Variants in SPPL3 observed in about 807,000 individuals in gnomAD.
SPPL3 encodes the protein signal peptide peptidase-like 3.
SPPL3 carries 5 observed loss-of-function variants against 42.4 expected under a neutral mutation model. The observed-to-expected ratio is 0.12, with a 90% CI of 0.06 to 0.25. SPPL3 has a LOEUF of 0.25. Ranked by LOEUF, SPPL3 falls within the 10% of genes least tolerant of loss-of-function variation. The pLI, the probability that SPPL3 is intolerant of heterozygous loss-of-function variation, is 1.00. For missense variants in SPPL3, 235 were observed against 489.0 expected, an observed-to-expected ratio of 0.48 and a Z score of 4.90; for synonymous variants, 195 against 181.8, an observed-to-expected ratio of 1.07 and a Z score of -0.58.
chr12:120,831,183 C>T (rs1566054746), intron 1 of SPPL3, among the ~76,000 whole-genome samples: 2 of 152,202 alleles, frequency 1.3e-5, no homozygotes, highest in South Asian at 2.1e-4. Context: ...CATCGGCTCT[C>T]CTGGCTCTCA....
At chr12:120,825,402 G>A (rs183388250) in intron 1 of SPPL3, among the ~76,000 whole-genome samples, 1 of 152,252 alleles carries the variant, frequency 6.6e-6, no homozygotes, top group East Asian at 1.9e-4. Flanking sequence ...AAACACTAAA[G>A]AGCATCTGTT....
At chr12:120,787,305 C>A (rs752491675) in intron 3 of SPPL3, among the ~76,000 whole-genome samples, 4 of 152,158 alleles carry the variant, frequency 2.6e-5, no homozygotes, top group Non-Finnish European at 5.9e-5. Context: ...TAAATTATAA[C>A]TGAAGTTTAG....
intron 6 of SPPL3, among the ~76,000 whole-genome samples, chr12:120,771,702 A>C (rs1869129607): frequency 1.3e-5 from 2 of 152,100 alleles, no homozygotes. Context: ...ACTGTTCTGC[A>C]AACACAGGTT....
At chr12:120,859,974 C>T (rs1233357799) in intron 1 of SPPL3, among the ~76,000 whole-genome samples, 1 of 152,190 alleles carries the variant, frequency 6.6e-6, no homozygotes. Context: ...GGTGCAGTGG[C>T]TCATTCCTGT....
intron 1 of SPPL3, among the ~76,000 whole-genome samples, chr12:120,892,787 C>A (rs1458036114): frequency 6.6e-6 from 1 of 151,818 alleles, no homozygotes; most frequent in Non-Finnish European, 1.5e-5. Flanking sequence ...TCGAGACCAT[C>A]CTGGCTAACA....
chr12:120,851,829 C>T (rs926771721), intron 1 of SPPL3, among the ~76,000 whole-genome samples: 1 of 152,150 alleles, frequency 6.6e-6, no homozygotes, highest in Admixed American at 6.6e-5. Context: ...GACTTGAACT[C>T]CTGGGCTCAA....
intron 2 of SPPL3, among the ~76,000 whole-genome samples, chr12:120,801,457 A>C (rs1272940873): frequency 1.3e-5 from 2 of 151,594 alleles, no homozygotes; most frequent in Non-Finnish European, 2.9e-5. Flanking sequence ...ATTTTGTAAG[A>C]CTTTTGTGCA....
At chr12:120,768,528 A>C in intron 7 of SPPL3, 40 bp from the exon 8 acceptor site, 1 of 1,580,760 alleles carries the variant, frequency 6.3e-7, no homozygotes, top group Non-Finnish European at 8.6e-7. Flanking sequence ...AGGGAGTTGG[A>C]AGCAACCTGC....
chr12:120,848,757 C>T (rs1476730213), intron 1 of SPPL3, among the ~76,000 whole-genome samples: 1 of 152,116 alleles, frequency 6.6e-6, no homozygotes, highest in Non-Finnish European at 1.5e-5. Flanking sequence ...CTCACAGATG[C>T]TTTAAATTAC....
chr12:120,788,588 T>C (rs944418048), intron 3 of SPPL3, among the ~76,000 whole-genome samples: 3 of 152,202 alleles, frequency 2.0e-5, no homozygotes, highest in Non-Finnish European at 2.9e-5. Context: ...ATTCAAAGCA[T>C]GTAATCGTAA....
rs774657762 is a variant in SPPL3, at chr12:120,782,697, C to T, written c.460G>A (p.Val154Ile). The T allele has an allele frequency of 3.1e-6, 5 of 1,611,656 alleles. No individual in the cohort carries two copies. The highest frequency in any genetic ancestry group is 1.7e-6 in the Non-Finnish European group (2 of 1,178,788). Reference protein sequence around the residue: ...LLSFSLSVMLVLIWVLTGHWL... With the variant: ...LLSFSLSVMLILIWVLTGHWL... ...TGGCCAGTGAGAACCCAGATGAGGA[C>T]GAGCATGACAGACAGAGAGAATGAC... Residue 154 changes from valine to isoleucine, a missense_variant, in exon 6 of 11, where the codon GTC becomes ATC. This residue lies in a region of SPPL3 where 110 missense variants were observed against 186.2 expected (regional missense o/e 0.59). Coordinates refer to ENST00000353487, the MANE Select transcript of SPPL3 (RefSeq NM_139015.5).
chr12:120,774,156 G>A (rs1187396963), intron 6 of SPPL3, among the ~76,000 whole-genome samples: 1 of 152,148 alleles, frequency 6.6e-6, no homozygotes, highest in Non-Finnish European at 1.5e-5. Flanking sequence ...ACACATCACA[G>A]CCTCTCATCA....
At chr12:120,781,313 AT>A (rs1370912540) in intron 6 of SPPL3, among the ~76,000 whole-genome samples, 1 of 152,082 alleles carries the variant, frequency 6.6e-6, no homozygotes, top group Non-Finnish European at 1.5e-5. Context: ...TAATGCAAGA[AT>A]TCTGTTCTAG....
chr12:120,789,992 T>G (rs1286399876), intron 3 of SPPL3, among the ~76,000 whole-genome samples: 1 of 152,116 alleles, frequency 6.6e-6, no homozygotes, highest in East Asian at 1.9e-4. Flanking sequence ...TACAGCAGAT[T>G]TATAATTTGG....
chr12:120,846,372 T>C (rs1055778348), intron 1 of SPPL3, among the ~76,000 whole-genome samples: 4 of 152,236 alleles, frequency 2.6e-5, no homozygotes, highest in Admixed American at 2.0e-4. Flanking sequence ...ATCAAAGATA[T>C]ATGCTGGGCT....
intron 2 of SPPL3, among the ~76,000 whole-genome samples, chr12:120,806,001 C>CTTTTTT (rs397710393): frequency 7.5e-6 from 1 of 132,962 alleles, no homozygotes; most frequent in Admixed American, 7.5e-5. Flanking sequence ...TCCCTGCAGG[C>CTTTTTT]TTTTTTTTTT....
chr12:120,775,575 G>GC (rs1869283307), intron 6 of SPPL3, among the ~76,000 whole-genome samples: 5 of 152,206 alleles, frequency 3.3e-5, no homozygotes, highest in Non-Finnish European at 5.9e-5. Flanking sequence ...TCAAGATTCT[G>GC]TTAGTCCCTG....
intron 6 of SPPL3, among the ~76,000 whole-genome samples, chr12:120,781,400 T>C (rs1397771289): frequency 6.6e-6 from 1 of 152,064 alleles, no homozygotes; most frequent in Non-Finnish European, 1.5e-5. Context: ...TATGTAATGA[T>C]ATAGACATGT....
intron 1 of SPPL3, among the ~76,000 whole-genome samples, chr12:120,884,975 A>C (rs1012738654): frequency 9.9e-5 from 15 of 152,166 alleles, no homozygotes; most frequent in Admixed American, 9.8e-4. Context: ...GGCATTATTT[A>C]GTGTAAGTAA....
Sources: allele counts gnomAD v4.1 joint callset (sites outside exome capture counted in the v4.1 genomes callset), GRCh38; gene constraint gnomAD v4.1.1; regional missense constraint gnomAD v4.1.1; transcripts MANE v1.5; gene names NCBI Gene and HGNC (gene_info 2026-07-23, HGNC 2026-07-21).